KALRN: variants seen among roughly 807,000 people sequenced by gnomAD.
KALRN encodes kalirin.
A neutral mutation model predicts 353.7 loss-of-function variants in KALRN; 70 were observed. The observed-to-expected ratio is 0.20, with a 90% CI of 0.16 to 0.24. The LOEUF (loss-of-function observed/expected upper bound fraction) is 0.24. KALRN is among the 10% of genes least tolerant of loss of function. KALRN has a pLI of 1.00. For synonymous variants in KALRN, 1,391 were observed against 1,434.8 expected (o/e 0.97, Z 0.69); for missense variants, 2,791 against 3,756.7 (o/e 0.74, Z 6.72).
chr3:124,057,012 G>A (rs958879565), intron 1 of KALRN, among the ~76,000 whole-genome samples: 3 of 152,136 alleles, frequency 2.0e-5, no homozygotes, highest in Non-Finnish European at 2.9e-5. Flanking sequence ...TGGATATTTG[G>A]CAAATCTTTT....
At chr3:124,139,251 T>C (rs747911887) in intron 1 of KALRN, among the ~76,000 whole-genome samples, 14 of 152,220 alleles carry the variant, frequency 9.2e-5, no homozygotes, top group Non-Finnish European at 1.3e-4. Flanking sequence ...ACACTCTCTT[T>C]AAGTTGTTCT....
intron 1 of KALRN, among the ~76,000 whole-genome samples, chr3:124,146,149 G>T (rs773572027): frequency 3.3e-5 from 5 of 152,140 alleles, no homozygotes; most frequent in Non-Finnish European, 7.3e-5. Flanking sequence ...GCCCTCAGTT[G>T]TGTTTCACTG....
chr3:124,585,050 G>C (rs553980032), intron 34 of KALRN: 3 of 1,032,910 alleles, frequency 2.9e-6, no homozygotes, highest in Non-Finnish European at 4.1e-6. Flanking sequence ...GGCGAAGTGA[G>C]AGAGTTTGCT....
intron 34 of KALRN, among the ~76,000 whole-genome samples, chr3:124,580,242 A>C (rs1934709062): frequency 2.0e-5 from 3 of 152,066 alleles, no homozygotes; most frequent in Admixed American, 6.6e-5. Context: ...GAGTTTGAGA[A>C]CCACCGCACT....
chr3:124,341,383 A>G (rs1344151146), intron 9 of KALRN, among the ~76,000 whole-genome samples: 1 of 152,240 alleles, frequency 6.6e-6, no homozygotes, highest in Non-Finnish European at 1.5e-5. Flanking sequence ...CCACATATGC[A>G]CGTGGCAATT....
chr3:124,284,871 G>A (rs148968851), intron 5 of KALRN, among the ~76,000 whole-genome samples: 158 of 152,278 alleles, frequency 1.0e-3, no homozygotes, highest in African/African-American at 3.5e-3. Context: ...GAATCAGTGC[G>A]AGCCCATCTT....
chr3:124,290,952 T>C (rs2076367474), intron 5 of KALRN, among the ~76,000 whole-genome samples: 1 of 152,158 alleles, frequency 6.6e-6, no homozygotes, highest in Admixed American at 6.5e-5. Context: ...TAGGTATAGT[T>C]TGGCTCTAAA....
intron 1 of KALRN, among the ~76,000 whole-genome samples, chr3:124,160,780 GCCCT>G (rs1423163408): frequency 6.6e-6 from 1 of 152,190 alleles, no homozygotes; most frequent in Non-Finnish European, 1.5e-5. Context: ...CATGGTCAGT[GCCCT>G]GTCTGAGCAA....
intron 34 of KALRN, among the ~76,000 whole-genome samples, chr3:124,615,510 G>T (rs568725461): frequency 2.0e-5 from 3 of 152,302 alleles, no homozygotes; most frequent in South Asian, 2.1e-4. Flanking sequence ...AATCTTCTCT[G>T]TAACTTATTC....
chr3:124,224,229 A>ATT lies in KALRN; in HGVS notation c.74-3750_74-3749dup, dbSNP rs201306974. On this transcript the variant is annotated intron_variant, in intron 1 of 59. Coordinates refer to ENST00000682506, the MANE Select transcript of KALRN (RefSeq NM_001388419.1). Reference sequence around the variant, plus strand: ...TTAATGTCTTCTCAGGCCTTCCAGGATTTTTTTTTTTTAGATGGAAACAGG... The same window carrying ATT: ...TTAATGTCTTCTCAGGCCTTCCAGGATTTTTTTTTTTTTTAGATGGAAACAGG... 2.9e-5 allele frequency among the ~76,000 whole-genome samples: 4 copies of ATT among 138,574 alleles called. No individual in the cohort carries two copies. The East Asian group carries it at 6.2e-4, about 21-fold the overall frequency. 90.9% of individuals were successfully genotyped at this position (138,574 alleles called of 152,430 possible).
At chr3:124,521,806 A>G (rs1188285638) in intron 33 of KALRN, among the ~76,000 whole-genome samples, 1 of 152,146 alleles carries the variant, frequency 6.6e-6, no homozygotes, top group Non-Finnish European at 1.5e-5. Context: ...CAGGTGTTTC[A>G]GTGTTTTGGT....
At chr3:124,231,603 A>C (rs2079158327) in intron 2 of KALRN, among the ~76,000 whole-genome samples, 1 of 152,224 alleles carries the variant, frequency 6.6e-6, no homozygotes, top group South Asian at 2.1e-4. Context: ...CTCTCAAAGA[A>C]GTTTGGGAAA....
At position 124,240,696 on chromosome 3, in the gene KALRN, C is replaced by G. The variant is rs191954700; in HGVS notation, c.263+5753C>G. Among the ~76,000 whole-genome samples, 298 of 150,922 alleles carry G rather than the reference C, an allele frequency of 2.0e-3. 1 individual carries two copies. The highest frequency in any genetic ancestry group is 3.5e-3 in the Admixed American group (52 of 15,060). ...CATTGATGTAGTCCATGTAGGTCAA[C>G]TCCCCAGGGCACTGGGTAGTGGAGA... is the stretch of plus-strand genomic sequence containing the variant. On this transcript the variant is annotated intron_variant, in intron 3 of 59. Transcript: ENST00000682506.
At position 124,110,400 on chromosome 3, in the gene KALRN, T is replaced by G. The variant is rs527830634; in HGVS notation, c.73+76587T>G. 2.0e-5 allele frequency among the ~76,000 whole-genome samples: 3 copies of G among 149,830 alleles called. No homozygotes were observed. The South Asian group carries it at 6.3e-4, about 32-fold the overall frequency. On this transcript the variant is annotated intron_variant, in intron 1 of 59. Transcript: ENST00000682506. The stretch of plus-strand genomic sequence containing the variant: ...ATCATACTTTGATATATATACCATG[T>G]GGTACATGGTAAATATATTCCATTT...
intron 1 of KALRN, among the ~76,000 whole-genome samples, chr3:124,050,977 G>A (rs1047968983): frequency 1.3e-5 from 2 of 152,202 alleles, no homozygotes; most frequent in Non-Finnish European, 2.9e-5. Context: ...ACATGCAAAA[G>A]AGGAAAGTAC....
intron 1 of KALRN, among the ~76,000 whole-genome samples, chr3:124,222,365 T>C (rs148753142): frequency 6.6e-6 from 1 of 152,260 alleles, no homozygotes; most frequent in East Asian, 1.9e-4. Context: ...TAGATGATTA[T>C]AGGGTAATGG....
Position 124,298,819 on chromosome 3 carries a change from A to T in KALRN, c.998A>T (p.Glu333Val). ...KMFDWISHNK[E>V]LFLQSHTEIG... ...TTTGACTGGATAAGCCACAACAAGG[A>T]GTTATTCCTCCAGAGCCACACGGAG... The change falls in exon 6 of 60, where the codon GAG becomes GTG. Residue 333 changes from glutamate (E) to valine (V), a missense_variant. Transcript: ENST00000682506. 6.2e-7 allele frequency: 1 copy of T among 1,614,128 alleles called. No homozygotes were observed. The highest frequency in any genetic ancestry group is 8.5e-7 in the Non-Finnish European group (1 of 1,179,964).
Position 124,406,130 on chromosome 3 carries a change from AT to A in KALRN, c.2346+7262del, listed in dbSNP as rs1389277400. Among the ~76,000 whole-genome samples the A allele has an allele frequency of 2.6e-5, 4 of 152,340 alleles. No homozygotes were observed. The East Asian group carries it at 7.7e-4, about 29-fold the overall frequency. On this transcript the variant is annotated intron_variant, in intron 13 of 59. Coordinates refer to ENST00000682506, the MANE Select transcript of KALRN (RefSeq NM_001388419.1). The stretch of plus-strand genomic sequence containing the variant: ...TTGCCAAAAATTAAAAACTGACTGG[AT>A]TTCATTATTTCCAAGTCCCTTTGCT...
intron 10 of KALRN, among the ~76,000 whole-genome samples, chr3:124,360,098 T>C (rs2083861226): frequency 6.6e-6 from 1 of 152,234 alleles, no homozygotes. Context: ...GAGCCAGTGG[T>C]GTTCAGCGAC....
Sources: allele counts gnomAD v4.1 joint callset (sites outside exome capture counted in the v4.1 genomes callset), GRCh38; gene constraint gnomAD v4.1.1; transcripts MANE v1.5; gene names NCBI Gene and HGNC (gene_info 2026-07-23, HGNC 2026-07-21).